LPIN1: variants seen among roughly 807,000 people sequenced by gnomAD.
LPIN1 encodes phosphatidate phosphatase LPIN1.
In LPIN1, 71 loss-of-function variants were observed where a neutral mutation model predicts 107.5. That is an observed-to-expected ratio of 0.66 (90% CI 0.55 to 0.80). The LOEUF (loss-of-function observed/expected upper bound fraction) is 0.80. LPIN1 is among the 30% of genes least tolerant of loss of function. LPIN1 has a pLI of 0.00. For missense variants in LPIN1, 1,043 were observed against 1,160.6 expected (o/e 0.90, Z 1.47); for synonymous variants, 445 against 452.6 (o/e 0.98, Z 0.21).
chr2:11,677,681 T>A, exon 1 of LPIN1: 1 of 1,535,728 alleles, frequency 6.5e-7, no homozygotes, highest in Non-Finnish European at 8.7e-7. Context: ...CAGCTCCAGC[T>A]GGGAGACCTC....
rs548703565 is a variant in LPIN1 at position 11,731,714 on chromosome 2, C to T, written c.-72+7175C>T. 8.6e-4 allele frequency among the ~76,000 whole-genome samples: 131 copies of T among 152,348 alleles called. 1 individual carries two copies. Among genetic ancestry groups the T allele is most frequent in the African/African-American group, 2.9e-3 (120 of 41,576 alleles). On this transcript the variant is annotated intron_variant, in intron 1 of 21. Transcript: ENST00000396097. Reference sequence around the variant, plus strand: ...GTGTAAAAGCATTCCTATTTCTCCACAGCCTCGCCAGCATCTATTGTTTCC... The same window carrying T: ...GTGTAAAAGCATTCCTATTTCTCCATAGCCTCGCCAGCATCTATTGTTTCC...
At chr2:11,761,046 G>A (rs949929516) in intron 1 of LPIN1, among the ~76,000 whole-genome samples, 8 of 152,164 alleles carry the variant, frequency 5.3e-5, no homozygotes, top group Non-Finnish European at 1.0e-4. Flanking sequence ...TTGCACTTTG[G>A]CTGTCTTCTG....
At chr2:11,807,270 C>T (rs903839396) in intron 17 of LPIN1, among the ~76,000 whole-genome samples, 1 of 152,144 alleles carries the variant, frequency 6.6e-6, no homozygotes, top group African/African-American at 2.4e-5. Flanking sequence ...CTGTAGGTGG[C>T]GTATGTGCAG....
upstream of LPIN1, among the ~76,000 whole-genome samples, chr2:11,745,526 T>C (rs549343168): frequency 1.1e-4 from 16 of 152,280 alleles, no homozygotes; most frequent in African/African-American, 3.8e-4. Context: ...CTGGGCAACA[T>C]AGGGAGACCT....
chr2:11,813,342 T>C (rs1214440863), intron 17 of LPIN1, among the ~76,000 whole-genome samples: 1 of 152,174 alleles, frequency 6.6e-6, no homozygotes, highest in Non-Finnish European at 1.5e-5. Context: ...ATGTAATCAA[T>C]ATGAAAACGA....
At chr2:11,814,686 A>G (rs1397981615) in intron 17 of LPIN1, among the ~76,000 whole-genome samples, 2 of 152,038 alleles carry the variant, frequency 1.3e-5, no homozygotes, top group African/African-American at 4.8e-5. Context: ...GCTGGAGCAA[A>G]GTGTGTGAAT....
At chr2:11,728,970 G>A (rs2148543572) in intron 1 of LPIN1, among the ~76,000 whole-genome samples, 1 of 152,328 alleles carries the variant, frequency 6.6e-6, no homozygotes, top group Non-Finnish European at 1.5e-5. Flanking sequence ...TCTGATGCCA[G>A]TTTCTTTTGC....
Position 11,697,471 on chromosome 2 carries a change from G to T in LPIN1, c.82-16285G>T, listed in dbSNP as rs997450950. On this transcript the variant is annotated intron_variant, in intron 1 of 21. Coordinates refer to the LPIN1 transcript ENST00000449576. The surrounding 1 kb of genome is among the most constrained non-coding windows in gnomAD (Gnocchi z 4.6). ...TCGGCTCCTGCTTCTCCCTGGTTTG[G>T]CCTAGAAGCTGGAAGTCTGCCCGAA... Among the ~76,000 whole-genome samples the T allele has an allele frequency of 6.6e-6, 1 of 152,212 alleles. No homozygotes were observed. Among genetic ancestry groups the T allele is most frequent in the Admixed American group, 6.5e-5 (1 of 15,288 alleles).
chr2:11,714,885 C>T (rs950699105), intron 2 of LPIN1, among the ~76,000 whole-genome samples: 1 of 152,226 alleles, frequency 6.6e-6, no homozygotes, highest in Non-Finnish European at 1.5e-5. Context: ...AGGCTCAGCG[C>T]GGCCGCAGGC....
chr2:11,824,482 G>T lies in LPIN1; in HGVS notation c.2622-150G>T, dbSNP rs567813250. 6 of 739,790 alleles carry T rather than the reference G, an allele frequency of 8.1e-6. No individual in the cohort carries two copies. In the East Asian group the frequency reaches 1.6e-4, roughly 20 times the overall value. The allele number at this position is 739,790 out of a possible 1,614,324, so 45.8% of individuals were successfully genotyped here. On this transcript the variant is annotated intron_variant, in intron 20 of 20. Transcript: ENST00000674199. ...TTTCATCTCTCATTTTCAATTAATC[G>T]ATAACAAATTATTCTAGAATGACTT...
Position 11,773,639 on chromosome 2 carries a change from C to G in LPIN1, c.616C>G (p.Pro206Ala), listed in dbSNP as rs370440936. Residue 206 changes from proline (P) to alanine (A), a missense_variant, in exon 5 of 21, where the codon CCT (proline) becomes GCT (alanine). By Grantham distance (27) the Pro-to-Ala change is conservative. Coordinates refer to ENST00000674199, the MANE Select transcript of LPIN1 (RefSeq NM_001349206.2). ...CTCCAGAACTCTTCCTAATGATATA[C>G]CTCCATTCCAAGATGATATTCCTGA... Reference protein sequence around the residue: ...ESSRTLPNDIPPFQDDIPEEN... With the variant: ...ESSRTLPNDIAPFQDDIPEEN... 6.9e-5 allele frequency: 111 copies of G among 1,609,222 alleles called. No homozygotes were observed. Among genetic ancestry groups the G allele is most frequent in the Middle Eastern group, 1.6e-4 (1 of 6,070 alleles).
At chr2:11,817,354 G>A (rs375817323) in intron 18 of LPIN1, 6 of 152,184 alleles carry the variant, frequency 3.9e-5, no homozygotes, top group South Asian at 2.1e-4. Flanking sequence ...GGAGTGCTGC[G>A]AATGTCTTTT....
rs1400040848 is a variant in LPIN1, at chr2:11,707,741, G to C, written c.82-6015G>C. ...TTGGGAGGGGAGAAAGGGAGTGGCT[G>C]GGGCCTGTCCCAACCAAGCGCTGCT... On this transcript the variant is annotated intron_variant, in intron 1 of 21. Coordinates refer to the LPIN1 transcript ENST00000449576. This position sits in a 1 kb window ranked among gnomAD's most constrained non-coding sequence, Gnocchi z 4.2. Among the ~76,000 whole-genome samples, 1 of 152,152 alleles carries C rather than the reference G, an allele frequency of 6.6e-6. No homozygotes were observed. The highest frequency in any genetic ancestry group is 1.5e-5 in the Non-Finnish European group (1 of 68,014).
At chr2:11,726,657 G>A (rs914536264) in intron 1 of LPIN1, among the ~76,000 whole-genome samples, 4 of 152,100 alleles carry the variant, frequency 2.6e-5, no homozygotes, top group African/African-American at 9.7e-5. Context: ...GTGATAGTAG[G>A]CATATGTGGC....
rs1350567204 is a variant in LPIN1 at position 11,805,508 on chromosome 2, C to G, written c.2249+352C>G. The G allele has an allele frequency of 1.9e-5, 7 of 371,204 alleles. No individual in the cohort carries two copies. The Admixed American group carries it at 2.8e-4, about 15-fold the overall frequency. 23.0% of individuals were successfully genotyped at this position (371,204 alleles called of 1,614,324 possible). On this transcript the variant is annotated intron_variant, in intron 17 of 20. Transcript: ENST00000674199. ...ATAGGAGCTTATATGTTATATATGC[C>G]AAGTGATTTTCTGTAGACTAAAAAG... is the stretch of plus-strand genomic sequence containing the variant.
At chr2:11,689,406 AG>A (rs1246647934) in intron 1 of LPIN1, among the ~76,000 whole-genome samples, 1 of 152,226 alleles carries the variant, frequency 6.6e-6, no homozygotes, top group African/African-American at 2.4e-5. Context: ...AGACCTGACG[AG>A]GTCCTTTCAG....
upstream of LPIN1, chr2:11,724,240 C>T (rs1483645906): frequency 1.4e-6 from 1 of 691,748 alleles, no homozygotes; most frequent in Non-Finnish European, 1.8e-6. Flanking sequence ...TCTTTCTCTC[C>T]TCCTCTGAAC....
At chr2:11,694,440 C>T (rs1662468695) in intron 1 of LPIN1, among the ~76,000 whole-genome samples, 2 of 152,320 alleles carry the variant, frequency 1.3e-5, no homozygotes, top group African/African-American at 4.8e-5. Flanking sequence ...GGTAAAGCTC[C>T]TCTGACCCCT....
rs201316179 is a variant in LPIN1 at position 11,805,193 on chromosome 2, C to T, written c.2249+37C>T. On this transcript the variant is annotated intron_variant, in intron 17 of 20. Coordinates refer to ENST00000674199, the MANE Select transcript of LPIN1 (RefSeq NM_001349206.2). ...GTTCCTGTTTCCCGCCTCCTGTGAA[C>T]GCTGGTGTGTGCACCGCACTCTGCA... 661 of 1,464,008 alleles carry T rather than the reference C, an allele frequency of 4.5e-4. 2 individuals carry two copies. Among genetic ancestry groups the T allele is most frequent in the Non-Finnish European group, 5.4e-4 (561 of 1,043,064 alleles). 90.7% of individuals were successfully genotyped at this position (1,464,008 alleles called of 1,614,324 possible).
Sources: allele counts gnomAD v4.1 joint callset (sites outside exome capture counted in the v4.1 genomes callset), GRCh38; gene constraint gnomAD v4.1.1; non-coding constraint Gnocchi (gnomAD v3.1); transcripts MANE v1.5; gene names NCBI Gene and HGNC (gene_info 2026-07-23, HGNC 2026-07-21).